PHLPP1: variants seen among roughly 807,000 people sequenced by gnomAD.
PHLPP1 encodes PH domain and leucine rich repeat protein phosphatase 1.
Under a neutral mutation model 117.2 loss-of-function variants are expected in PHLPP1, and 42 were observed. That is an observed-to-expected ratio of 0.36 (90% CI 0.28 to 0.46). PHLPP1 has a LOEUF of 0.46. PHLPP1 is among the 20% of genes least tolerant of loss of function. The probability of loss-of-function intolerance (pLI) is 1.00; values close to 1 mark genes in which losing one functional copy is unlikely to be tolerated. For synonymous variants in PHLPP1, 1,042 were observed against 970.7 expected (o/e 1.07, Z -1.37); for missense variants, 2,084 against 2,241.9 (o/e 0.93, Z 1.42).
chr18:62,821,830 C>A (rs1386253522), intron 1 of PHLPP1, among the ~76,000 whole-genome samples: 1 of 151,386 alleles, frequency 6.6e-6, no homozygotes, highest in African/African-American at 2.4e-5. Flanking sequence ...CGGCTCACTG[C>A]AACTTCTGCC....
At chr18:62,824,893 CAT>C (rs1914567942) in intron 1 of PHLPP1, among the ~76,000 whole-genome samples, 1 of 151,636 alleles carries the variant, frequency 6.6e-6, no homozygotes, top group Admixed American at 6.6e-5. Context: ...CCCCACCCCC[CAT>C]TTTTTTTAAC....
At chr18:62,948,309 A>G (rs973214925) in intron 12 of PHLPP1, among the ~76,000 whole-genome samples, 2 of 152,162 alleles carry the variant, frequency 1.3e-5, no homozygotes, top group African/African-American at 4.8e-5. Context: ...TGGGTGACAG[A>G]GTGAGACTTC....
chr18:62,890,106 C>T (rs1490571593), intron 4 of PHLPP1, among the ~76,000 whole-genome samples: 1 of 151,908 alleles, frequency 6.6e-6, no homozygotes, highest in Non-Finnish European at 1.5e-5. Context: ...AGTGTTTTCT[C>T]ATTTAGCTGA....
At chr18:62,956,018 A>T (rs2144472275) in intron 12 of PHLPP1, among the ~76,000 whole-genome samples, 1 of 152,284 alleles carries the variant, frequency 6.6e-6, no homozygotes, top group Admixed American at 6.5e-5. Context: ...TGATGTAACC[A>T]TTATTTATAA....
Position 62,825,052 on chromosome 18 carries a change from G to A in PHLPP1, c.1577-4983G>A, listed in dbSNP as rs1354833938. ...AGTGATTGTCCTCCCTCAGTCTCCCGGGTTCAAGTGATTGTCCTCCCTCAG... is the reference window on the plus strand; with the variant it reads ...AGTGATTGTCCTCCCTCAGTCTCCCAGGTTCAAGTGATTGTCCTCCCTCAG... On this transcript the variant is annotated intron_variant, in intron 1 of 16. Coordinates refer to ENST00000262719, the MANE Select transcript of PHLPP1 (RefSeq NM_194449.4). Among the ~76,000 whole-genome samples, 6 of 151,666 alleles carry A rather than the reference G, an allele frequency of 4.0e-5. No homozygotes were observed. In the East Asian group the frequency reaches 1.2e-3, roughly 29 times the overall value.
chr18:62,861,621 AT>A (rs1478281235), intron 4 of PHLPP1, among the ~76,000 whole-genome samples: 5 of 152,244 alleles, frequency 3.3e-5, no homozygotes, highest in Non-Finnish European at 7.3e-5. Context: ...TTGCTAGTTC[AT>A]TTGTTTTTAC....
chr18:62,815,317 C>T (rs991941937), intron 1 of PHLPP1, among the ~76,000 whole-genome samples: 3 of 152,110 alleles, frequency 2.0e-5, no homozygotes, highest in Non-Finnish European at 2.9e-5. Context: ...GCCACCACGC[C>T]CGGCTAATTT....
chr18:62,791,564 A>C (rs565225131), intron 1 of PHLPP1, among the ~76,000 whole-genome samples: 1 of 152,242 alleles, frequency 6.6e-6, no homozygotes, highest in South Asian at 2.1e-4. Context: ...TCCTGCCAGC[A>C]ATATGACAGC....
chr18:62,972,173 G>T (rs1025538406), intron 14 of PHLPP1, among the ~76,000 whole-genome samples: 7 of 152,188 alleles, frequency 4.6e-5, no homozygotes. Context: ...GGAGATTGTG[G>T]TTAATAACTG....
At chr18:62,869,832 A>G (rs1915855537) in intron 4 of PHLPP1, among the ~76,000 whole-genome samples, 1 of 152,162 alleles carries the variant, frequency 6.6e-6, no homozygotes, top group Non-Finnish European at 1.5e-5. Flanking sequence ...TATCGGAGTA[A>G]CTGGTGAAGC....
At chr18:62,901,863 C>T (rs183932778) in intron 6 of PHLPP1, among the ~76,000 whole-genome samples, 57 of 152,006 alleles carry the variant, frequency 3.7e-4, no homozygotes, top group African/African-American at 1.3e-3. Flanking sequence ...CTCCTGACCT[C>T]GTGAAACACC....
Position 62,945,059 on chromosome 18 carries a change from C to A in PHLPP1, c.3162-50C>A, listed in dbSNP as rs777553927. 28 of 1,320,864 alleles carry A rather than the reference C, an allele frequency of 2.1e-5. No individual in the cohort carries two copies. The South Asian group carries it at 4.0e-4, about 19-fold the overall frequency. 81.8% of individuals were successfully genotyped at this position (1,320,864 alleles called of 1,614,324 possible). A position where few individuals can be genotyped will look rare whatever the true frequency, so the allele number is the denominator to read the frequency against. ...TAGCAATTTAATTCATCCTTTGATT[C>A]TCGTCCTATATTATTTTCTTTTAAA... On this transcript the variant is annotated intron_variant, in intron 11 of 16. Coordinates refer to ENST00000262719, the MANE Select transcript of PHLPP1 (RefSeq NM_194449.4).
chr18:62,766,104 A>ATATATTATATATATATATATATAT (rs1289379653), intron 1 of PHLPP1, among the ~76,000 whole-genome samples: 1 of 40,978 alleles, frequency 2.4e-5, no homozygotes, highest in Non-Finnish European at 5.5e-5. Context: ...TATATATATA[A>ATATATTATATATATATATATATAT]AATATATATA....
chr18:62,861,738 A>T (rs948433418), intron 4 of PHLPP1, among the ~76,000 whole-genome samples: 2 of 152,224 alleles, frequency 1.3e-5, no homozygotes, highest in African/African-American at 4.8e-5. Flanking sequence ...AAGTTTGTGG[A>T]TGTAATTGGA....
chr18:62,848,455 ATTTTTTT>A (rs56223512), intron 3 of PHLPP1, among the ~76,000 whole-genome samples: 7 of 88,518 alleles, frequency 7.9e-5, no homozygotes, highest in Middle Eastern at 0.018. Flanking sequence ...TTTTTTGTTG[ATTTTTTT>A]TTTTTTTTTT....
chr18:62,832,844 A>G (rs1914793912), intron 2 of PHLPP1, among the ~76,000 whole-genome samples: 1 of 152,100 alleles, frequency 6.6e-6, no homozygotes, highest in African/African-American at 2.4e-5. Context: ...TAGAAGAGCT[A>G]TAGATTTAGA....
At chr18:62,872,700 A>C (rs760580005) in intron 4 of PHLPP1, among the ~76,000 whole-genome samples, 150 of 148,390 alleles carry the variant, frequency 1.0e-3, no homozygotes, top group Non-Finnish European at 9.8e-4. Context: ...TCAAAAAAAA[A>C]ATTAGGTGGG....
At chr18:62,952,627 C>T (rs1291205256) in intron 12 of PHLPP1, among the ~76,000 whole-genome samples, 7 of 152,132 alleles carry the variant, frequency 4.6e-5, no homozygotes, top group Admixed American at 3.3e-4. Context: ...TAATTATATA[C>T]AAATATGATT....
intron 1 of PHLPP1, among the ~76,000 whole-genome samples, chr18:62,729,968 G>A (rs370722591): frequency 2.6e-5 from 4 of 152,250 alleles, no homozygotes; most frequent in African/African-American, 9.6e-5. Flanking sequence ...CACAACAACC[G>A]TATGAGGTAG....
Sources: allele counts gnomAD v4.1 joint callset (sites outside exome capture counted in the v4.1 genomes callset), GRCh38; gene constraint gnomAD v4.1.1; transcripts MANE v1.5; gene names NCBI Gene and HGNC (gene_info 2026-07-23, HGNC 2026-07-21).